DPYD: variants seen among roughly 807,000 people sequenced by gnomAD.
DPYD encodes dihydropyrimidine dehydrogenase [NADP(+)].
Under a neutral mutation model 116.2 loss-of-function variants are expected in DPYD, and 109 were observed. The ratio of observed to expected loss-of-function variants is 0.94; its 90% confidence interval spans 0.80 to 1.10. The LOEUF (loss-of-function observed/expected upper bound fraction) is 1.10. DPYD is among the 50% of genes least tolerant of loss of function. The pLI is 0.00. For missense variants in DPYD, 1,302 were observed against 1,254.5 expected, an observed-to-expected ratio of 1.04 and a Z score of -0.57; for synonymous variants, 440 against 432.0, an observed-to-expected ratio of 1.02 and a Z score of -0.23.
chr1:97,721,394 CTG>C, intron 5 of DPYD, 114 bp downstream of exon 5: 1 of 1,240,138 alleles, frequency 8.1e-7, no homozygotes, highest in Non-Finnish European at 1.2e-6. Flanking sequence ...CATACTTGAG[CTG>C]TGTGTCACAC....
intron 13 of DPYD, among the ~76,000 whole-genome samples, chr1:97,496,920 T>C (rs1166549167): frequency 6.6e-6 from 1 of 151,722 alleles, no homozygotes; most frequent in Non-Finnish European, 1.5e-5. Context: ...AATACAATGC[T>C]AAGGGGGCCA....
At position 97,323,555 on chromosome 1, in the gene DPYD, A is replaced by G. The variant is rs1213134101; in HGVS notation, c.2059-17258T>C. Among the ~76,000 whole-genome samples the G allele has an allele frequency of 1.5e-4, 16 of 105,578 alleles. 1 individual carries two copies. The highest frequency in any genetic ancestry group is 2.9e-4 in the East Asian group (1 of 3,448). The allele number at this position is 105,578 out of a possible 152,430, so 69.3% of individuals were successfully genotyped here. On this transcript the variant is annotated intron_variant, in intron 16 of 22. Transcript: ENST00000370192. ...ATATACATATCATATATATACATAT[A>G]TGTGTATATATACACGTATATATAC...
intron 18 of DPYD, among the ~76,000 whole-genome samples, chr1:97,246,089 T>A (rs1557969037): frequency 6.6e-6 from 1 of 152,102 alleles, no homozygotes; most frequent in Non-Finnish European, 1.5e-5. Context: ...ATCTGAACCC[T>A]CTGAATCAAT....
At chr1:97,390,210 C>T (rs985241508) in intron 14 of DPYD, among the ~76,000 whole-genome samples, 5 of 151,946 alleles carry the variant, frequency 3.3e-5, no homozygotes, top group Admixed American at 2.0e-4. Context: ...ATCCAGTCAA[C>T]AATTCAGCTT....
intron 14 of DPYD, among the ~76,000 whole-genome samples, chr1:97,408,649 C>T (rs941507190): frequency 7.9e-5 from 12 of 152,026 alleles, no homozygotes; most frequent in East Asian, 1.9e-4. Flanking sequence ...TGGATTGCAA[C>T]GTATTGTTCC....
At chr1:97,330,031 C>T (rs749137547) in intron 16 of DPYD, among the ~76,000 whole-genome samples, 3 of 151,854 alleles carry the variant, frequency 2.0e-5, no homozygotes, top group Non-Finnish European at 4.4e-5. Flanking sequence ...CTACAACTTT[C>T]GTTATTATGT....
intron 20 of DPYD, among the ~76,000 whole-genome samples, chr1:97,145,094 C>T (rs914683081): frequency 4.6e-5 from 7 of 152,074 alleles, no homozygotes; most frequent in Admixed American, 6.6e-5. Flanking sequence ...CCTTGCTAAA[C>T]GTACTGCAGT....
intron 10 of DPYD, among the ~76,000 whole-genome samples, chr1:97,581,007 GA>G (rs1314405186): frequency 1.3e-5 from 2 of 152,142 alleles, no homozygotes; most frequent in African/African-American, 4.8e-5. Context: ...ACTTTATGGG[GA>G]AGTACACAGG....
chr1:97,215,797 A>C (rs929262337), intron 19 of DPYD, among the ~76,000 whole-genome samples: 1 of 152,098 alleles, frequency 6.6e-6, no homozygotes. Context: ...AAACGTTCCC[A>C]TTTTGTGTGG....
chr1:97,865,022 T>A (rs749664758), intron 2 of DPYD, among the ~76,000 whole-genome samples: 78 of 151,708 alleles, frequency 5.1e-4, no homozygotes, highest in Non-Finnish European at 9.4e-4. Flanking sequence ...CTAGGCTATG[T>A]GTTTGTAGAG....
intron 3 of DPYD, among the ~76,000 whole-genome samples, chr1:97,760,815 C>T (rs1305419187): frequency 1.3e-5 from 2 of 152,118 alleles, no homozygotes; most frequent in East Asian, 3.9e-4. Context: ...ATCAACTCTG[C>T]TAGTGTAATT....
At chr1:97,639,756 A>C (rs971087232) in intron 8 of DPYD, among the ~76,000 whole-genome samples, 5 of 152,178 alleles carry the variant, frequency 3.3e-5, no homozygotes, top group Admixed American at 6.5e-5. Flanking sequence ...ATTTTCAGAT[A>C]AAACATTGAT....
rs60992225 is a variant in DPYD, at chr1:97,227,331, C to CAAAAAAAAAAAAAAAAAAAAAAAAAAAA, written c.2442+7520_2442+7521insTTTTTTTTTTTTTTTTTTTTTTTTTTTT. Among the ~76,000 whole-genome samples the CAAAAAAAAAAAAAAAAAAAAAAAAAAAA allele has an allele frequency of 6.1e-4, 16 of 26,378 alleles. 1 individual carries two copies. Among genetic ancestry groups the CAAAAAAAAAAAAAAAAAAAAAAAAAAAA allele is most frequent in the East Asian group, 7.1e-4 (1 of 1,414 alleles). The allele number at this position is 26,378 out of a possible 152,430, so 17.3% of individuals were successfully genotyped here. A position where few individuals can be genotyped will look rare whatever the true frequency, so the allele number is the denominator to read the frequency against. ...CTGGCAACAGAGTGAGACTCTATCT[C>CAAAAAAAAAAAAAAAAAAAAAAAAAAAA]AAAAAAAAAAAAAAAAAAAAAAAAA... On this transcript the variant is annotated intron_variant, in intron 19 of 22. Transcript: ENST00000370192.
chr1:97,607,336 A>G (rs946844996), intron 8 of DPYD, among the ~76,000 whole-genome samples: 2 of 151,546 alleles, frequency 1.3e-5, no homozygotes, highest in East Asian at 1.9e-4. Context: ...GCTCCATTCT[A>G]ATTTTTTTTT....
intron 8 of DPYD, among the ~76,000 whole-genome samples, chr1:97,635,696 TCAAA>T (rs1657519998): frequency 6.6e-6 from 1 of 152,120 alleles, no homozygotes; most frequent in Non-Finnish European, 1.5e-5. Flanking sequence ...AAAATTAATG[TCAAA>T]CAATTTAAAA....
At chr1:97,311,338 T>G (rs144784389) in intron 16 of DPYD, among the ~76,000 whole-genome samples, 43 of 151,880 alleles carry the variant, frequency 2.8e-4, no homozygotes, top group African/African-American at 8.9e-4. Context: ...AACTTTAACA[T>G]ACTTCGTTCA....
chr1:97,329,611 G>C (rs1465042738), intron 16 of DPYD, among the ~76,000 whole-genome samples: 1 of 151,004 alleles, frequency 6.6e-6, no homozygotes, highest in Non-Finnish European at 1.5e-5. Flanking sequence ...AAATTAGCTG[G>C]GCATGGTGGT....
chr1:97,465,942 T>C (rs1360742948), intron 13 of DPYD, among the ~76,000 whole-genome samples: 3 of 152,094 alleles, frequency 2.0e-5, no homozygotes, highest in Non-Finnish European at 2.9e-5. Context: ...AAACCTTGTC[T>C]CTACAAAAAT....
chr1:97,388,017 C>G (rs1570645350), intron 14 of DPYD, among the ~76,000 whole-genome samples: 1 of 152,148 alleles, frequency 6.6e-6, no homozygotes, highest in East Asian at 1.9e-4. Context: ...AGGGTGAAAG[C>G]AAGGAGTCTG....
Sources: gnomAD v4.1 joint callset for allele counts (sites outside exome capture counted in the v4.1 genomes callset) on GRCh38, gnomAD v4.1.1 for gene constraint, MANE v1.5 for transcripts, NCBI Gene and HGNC (gene_info 2026-07-23, HGNC 2026-07-21) for gene names.